Variants in MAP2 observed in about 807,000 individuals in gnomAD.
MAP2 encodes microtubule-associated protein 2.
MAP2 carries 14 observed loss-of-function variants against 137.6 expected under a neutral mutation model. The ratio of observed to expected loss-of-function variants is 0.10; its 90% CI spans 0.07 to 0.16. MAP2 has a LOEUF of 0.16. Among genes scored for constraint, MAP2 ranks in the 10% least tolerant of loss-of-function variants. The pLI, the probability that MAP2 is intolerant of heterozygous loss-of-function variation, is 1.00. For synonymous variants in MAP2, 786 were observed against 782.3 expected, an observed-to-expected ratio of 1.00 and a Z score of -0.08; for missense variants, 2,088 against 2,191.5, an observed-to-expected ratio of 0.95 and a Z score of 0.94.
At chr2:209,467,884 A>G (rs146331672) in intron 1 of MAP2, among the ~76,000 whole-genome samples, 86 of 152,292 alleles carry the variant, frequency 5.6e-4, no homozygotes, top group African/African-American at 1.6e-3. Context: ...GGTTGGTATG[A>G]CGATTATATT....
intron 7 of MAP2, among the ~76,000 whole-genome samples, chr2:209,686,320 G>A (rs1330420802): frequency 6.6e-6 from 1 of 152,170 alleles, no homozygotes; most frequent in Non-Finnish European, 1.5e-5. Context: ...AAGATTAAAT[G>A]TATTCTCTCT....
intron 1 of MAP2, among the ~76,000 whole-genome samples, chr2:209,444,972 G>A (rs1017359742): frequency 1.5e-4 from 22 of 151,024 alleles, no homozygotes; most frequent in Non-Finnish European, 2.8e-4. Context: ...TTACAGACAT[G>A]GTTTTTTTTG....
intron 12 of MAP2, among the ~76,000 whole-genome samples, chr2:209,706,264 G>T (rs1010178520): frequency 2.1e-4 from 32 of 151,984 alleles, no homozygotes; most frequent in African/African-American, 7.5e-4. Flanking sequence ...ATTGGCAATT[G>T]TAACAGTTTA....
intron 1 of MAP2, among the ~76,000 whole-genome samples, chr2:209,468,737 A>G (rs1472666417): frequency 6.6e-6 from 1 of 152,200 alleles, no homozygotes; most frequent in East Asian, 1.9e-4. Context: ...AACTGCACCA[A>G]TAGATAATGA....
chr2:209,473,773 T>A (rs1231547963), intron 1 of MAP2, among the ~76,000 whole-genome samples: 1 of 152,082 alleles, frequency 6.6e-6, no homozygotes, highest in Non-Finnish European at 1.5e-5. Context: ...TAATGAAAAA[T>A]TAGAACTTAG....
chr2:209,492,957 A>G (rs566192829), intron 1 of MAP2, among the ~76,000 whole-genome samples: 1 of 152,328 alleles, frequency 6.6e-6, no homozygotes, highest in East Asian at 1.9e-4. Context: ...TTCATACAGA[A>G]CCAAAAAAGA....
rs2153406518 is a variant in MAP2, at chr2:209,582,666, GATAGATAGATA to G, written c.-107+2567_-107+2577del. Reference sequence around the variant, plus strand: ...TAGATAGATAGATAGATGATAGATAGATAGATAGATAGATAGATAGATAGATAGATAGATAG... The same window carrying G: ...TAGATAGATAGATAGATGATAGATAGGATAGATAGATAGATAGATAGATAG... On this transcript the variant is annotated intron_variant, in intron 3 of 15. Transcript: ENST00000682079. 1.2e-4 allele frequency among the ~76,000 whole-genome samples: 3 copies of G among 24,300 alleles called. No homozygotes were observed. In the East Asian group the frequency reaches 7.0e-3, roughly 57 times the overall value. The allele number at this position is 24,300 out of a possible 152,430, so 15.9% of individuals were successfully genotyped here. A position where few individuals can be genotyped will look rare whatever the true frequency, so the allele number is the denominator to read the frequency against.
At chr2:209,682,935 T>C (rs909749312) in intron 7 of MAP2, among the ~76,000 whole-genome samples, 2 of 152,136 alleles carry the variant, frequency 1.3e-5, no homozygotes, top group Admixed American at 6.6e-5. Flanking sequence ...ACTTAAAGCT[T>C]TTCAAGCATC....
Position 209,696,906 on chromosome 2 carries a change from C to T in MAP2, c.4388-11C>T. 2 of 1,585,402 alleles carry T rather than the reference C, an allele frequency of 1.3e-6. No individual in the cohort carries two copies. Among genetic ancestry groups the T allele is most frequent in the Admixed American group, 2.0e-5 (1 of 51,276 alleles). Reference sequence around the variant, plus strand: ...CCTGATGGTATGCTTTTTGTGTTTTCTTATTCATAGCAGTTTATAAGAAGG... The same window carrying T: ...CCTGATGGTATGCTTTTTGTGTTTTTTTATTCATAGCAGTTTATAAGAAGG... On this transcript the variant is annotated splice_polypyrimidine_tract_variant and intron_variant, in intron 9 of 15. Transcript: ENST00000682079.
intron 3 of MAP2, among the ~76,000 whole-genome samples, chr2:209,585,254 TAA>T (rs1034953786): frequency 7.7e-6 from 1 of 130,646 alleles, no homozygotes. Context: ...AATGAAGAAT[TAA>T]AAAAAAAAAA....
chr2:209,538,310 C>T (rs2066303569), intron 2 of MAP2, among the ~76,000 whole-genome samples: 1 of 152,072 alleles, frequency 6.6e-6, no homozygotes, highest in East Asian at 1.9e-4. Flanking sequence ...GATTCATGAA[C>T]TTTGTGGTGA....
intron 4 of MAP2, among the ~76,000 whole-genome samples, chr2:209,629,519 T>C (rs532656287): frequency 6.6e-6 from 1 of 152,314 alleles, no homozygotes; most frequent in Admixed American, 6.5e-5. Flanking sequence ...AATAAATACT[T>C]TGACTTGCAC....
chr2:209,517,039 C>T (rs1020700777), intron 2 of MAP2, among the ~76,000 whole-genome samples: 3 of 152,110 alleles, frequency 2.0e-5, no homozygotes, highest in African/African-American at 7.2e-5. Context: ...CTAATGTCAC[C>T]TTAAAATATT....
rs552522361 is a variant in MAP2, at chr2:209,461,477, C to T, written c.-222+37201C>T. On this transcript the variant is annotated intron_variant, in intron 1 of 15. Transcript: ENST00000682079. Reference sequence around the variant, plus strand: ...TTAATAGATTTTTTTTTTTTCGAGACGGAGTTTTGCTCTTATTGCCCAGAC... The same window carrying T: ...TTAATAGATTTTTTTTTTTTCGAGATGGAGTTTTGCTCTTATTGCCCAGAC... Among the ~76,000 whole-genome samples the T allele has an allele frequency of 1.2e-3, 179 of 151,070 alleles. 3 individuals carry two copies. In the South Asian group the frequency reaches 0.025, roughly 21 times the overall value.
chr2:209,559,602 G>A (rs2071530022), intron 2 of MAP2, among the ~76,000 whole-genome samples: 1 of 151,094 alleles, frequency 6.6e-6, no homozygotes, highest in Non-Finnish European at 1.5e-5. Context: ...AGTGAGCCAA[G>A]ATCATGCCAC....
In MAP2 at chr2:209,478,626, T is replaced by C. The variant is rs111531298; in HGVS notation, c.-221-28966T>C. Among the ~76,000 whole-genome samples, 932 of 152,320 alleles carry C rather than the reference T, an allele frequency of 6.1e-3. 6 individuals are homozygous for C. Among genetic ancestry groups the C allele is most frequent in the African/African-American group, 0.021 (876 of 41,574 alleles). ...TGTTGCAGAGTCCACTTTCTAAATA[T>C]ATGTAGGGCAGGCATACATAAATAA... is the stretch of plus-strand genomic sequence containing the variant. On this transcript the variant is annotated intron_variant, in intron 1 of 15. Coordinates refer to ENST00000682079, the MANE Select transcript of MAP2 (RefSeq NM_001375505.1).
At chr2:209,605,982 T>TTAGTGTTAAC (rs1334517243) in intron 3 of MAP2, among the ~76,000 whole-genome samples, 1 of 152,152 alleles carries the variant, frequency 6.6e-6, no homozygotes, top group Non-Finnish European at 1.5e-5. Flanking sequence ...AAGGGTAAAG[T>TTAGTGTTAAC]TAGTGTTAAC....
At chr2:209,510,000 G>T in intron 2 of MAP2, among the ~76,000 whole-genome samples, 1 of 148,562 alleles carries the variant, frequency 6.7e-6, no homozygotes, top group Non-Finnish European at 1.5e-5. Flanking sequence ...ATTTAGACTG[G>T]AAACGTGTTT....
intron 1 of MAP2, among the ~76,000 whole-genome samples, chr2:209,475,868 A>G (rs1707088852): frequency 6.6e-6 from 1 of 152,192 alleles, no homozygotes; most frequent in Non-Finnish European, 1.5e-5. Flanking sequence ...CCTTCTATGA[A>G]GAGTCTCTAG....
Sources: gnomAD v4.1 joint callset for allele counts (sites outside exome capture counted in the v4.1 genomes callset) on GRCh38, gnomAD v4.1.1 for gene constraint, MANE v1.5 for transcripts, NCBI Gene and HGNC (gene_info 2026-07-23, HGNC 2026-07-21) for gene names.